MCC: variants seen among roughly 807,000 people sequenced by gnomAD.
The protein encoded by MCC is colorectal mutant cancer protein.
In MCC, 90 loss-of-function variants were observed where a neutral mutation model predicts 116.2. The ratio of observed to expected loss-of-function variants is 0.77; its 90% confidence interval spans 0.65 to 0.92. The LOEUF (loss-of-function observed/expected upper bound fraction) is 0.92. Among genes scored for constraint, MCC ranks in the 40% least tolerant of loss-of-function variants. The probability of loss-of-function intolerance (pLI) is 0.00; values close to 1 mark genes in which losing one functional copy is unlikely to be tolerated. For missense variants in MCC, 1,516 were observed against 1,312.2 expected, an observed-to-expected ratio of 1.16 and a Z score of -2.40; for synonymous variants, 578 against 510.5, an observed-to-expected ratio of 1.13 and a Z score of -1.78.
At chr5:113,327,731 A>T (rs1311439381) in intron 3 of MCC, among the ~76,000 whole-genome samples, 2 of 150,800 alleles carry the variant, frequency 1.3e-5, no homozygotes, top group African/African-American at 4.9e-5. Flanking sequence ...AAACTGAAGG[A>T]CAAAGAGCAG....
chr5:113,315,315 T>A (rs572431180), intron 3 of MCC, among the ~76,000 whole-genome samples: 84 of 152,306 alleles, frequency 5.5e-4, no homozygotes, highest in African/African-American at 1.9e-3. Flanking sequence ...CCTGTTTTAT[T>A]ATTAGAAATT....
chr5:113,243,362 T>A (rs370618158), intron 3 of MCC, among the ~76,000 whole-genome samples: 6 of 152,194 alleles, frequency 3.9e-5, no homozygotes, highest in Non-Finnish European at 7.3e-5. Context: ...GGATACTACT[T>A]GTGAGTATCC....
chr5:113,407,113 CTA>C (rs1362925919), intron 1 of MCC, among the ~76,000 whole-genome samples: 6 of 152,198 alleles, frequency 3.9e-5, no homozygotes, highest in South Asian at 2.1e-4. Flanking sequence ...GCTTATAACT[CTA>C]GAGTAAGTTA....
chr5:113,385,320 A>G (rs1352891833), intron 1 of MCC, 108 bp from the exon 2 acceptor site: 5 of 1,116,898 alleles, frequency 4.5e-6, no homozygotes, highest in Non-Finnish European at 6.4e-6. Context: ...CACATACTAG[A>G]CCTATTTTCA....
intron 1 of MCC, among the ~76,000 whole-genome samples, chr5:113,429,849 C>A (rs1770579847): frequency 6.6e-6 from 1 of 152,202 alleles, no homozygotes; most frequent in Admixed American, 6.5e-5. Context: ...AAGAAACCAA[C>A]ACAGTCAATG....
intron 3 of MCC, among the ~76,000 whole-genome samples, chr5:113,238,331 C>T (rs1764226649): frequency 6.6e-6 from 1 of 151,876 alleles, no homozygotes; most frequent in Non-Finnish European, 1.5e-5. Flanking sequence ...AGGGAAAATG[C>T]CACCTAAAAA....
intron 5 of MCC, among the ~76,000 whole-genome samples, chr5:113,123,957 G>A (rs113474509): frequency 6.6e-6 from 1 of 152,178 alleles, no homozygotes; most frequent in Non-Finnish European, 1.5e-5. Flanking sequence ...GATGAGTGGC[G>A]ATCATTAGGG....
At chr5:113,487,264 G>C (rs66497221) in intron 1 of MCC, among the ~76,000 whole-genome samples, 31,674 of 151,038 alleles carry the variant, frequency 0.21, 3,848 homozygotes, top group Admixed American at 0.34. Context: ...ACGATCTTTA[G>C]CATCACCAAG....
At chr5:113,363,845 C>T (rs182364256) in intron 2 of MCC, among the ~76,000 whole-genome samples, 147 of 152,188 alleles carry the variant, frequency 9.7e-4, no homozygotes, top group Non-Finnish European at 1.7e-3. Context: ...CCTATAATCC[C>T]GTAGAATCAA....
At chr5:113,037,431 G>A (rs141748676) in intron 17 of MCC, among the ~76,000 whole-genome samples, 477 of 152,328 alleles carry the variant, frequency 3.1e-3, no homozygotes, top group African/African-American at 0.011. Flanking sequence ...AGTGGCTCAT[G>A]CCCGTAATCC....
At chr5:113,309,502 A>T (rs1767085918) in intron 3 of MCC, among the ~76,000 whole-genome samples, 1 of 152,238 alleles carries the variant, frequency 6.6e-6, no homozygotes, top group Non-Finnish European at 1.5e-5. Context: ...TTAGGATAAT[A>T]GACTCCAGTT....
At position 113,296,532 on chromosome 5, in the gene MCC, C is replaced by T. The variant is rs183791142; in HGVS notation, c.627+43987G>A. ...GCAGAGATGGGAAGTAAGGGGAAAG[C>T]GTTCCAGGCCACTGTGAGAGAAAGT... On this transcript the variant is annotated intron_variant, in intron 3 of 18. Coordinates refer to ENST00000408903, the MANE Select transcript of MCC (RefSeq NM_001085377.2). 5.0e-4 allele frequency among the ~76,000 whole-genome samples: 76 copies of T among 152,208 alleles called. No homozygotes were observed. The Middle Eastern group carries it at 0.014, about 27-fold the overall frequency.
intron 3 of MCC, among the ~76,000 whole-genome samples, chr5:113,195,855 C>T (rs955288504): frequency 3.9e-5 from 6 of 152,118 alleles, no homozygotes; most frequent in South Asian, 2.1e-4. Context: ...TCTCATCTGG[C>T]GCCTCCTCTC....
At chr5:113,141,055 G>T (rs996378227) in intron 5 of MCC, among the ~76,000 whole-genome samples, 2 of 152,160 alleles carry the variant, frequency 1.3e-5, no homozygotes, top group Non-Finnish European at 2.9e-5. Context: ...AGTGTGTGTG[G>T]GCACCATCCA....
intron 2 of MCC, among the ~76,000 whole-genome samples, chr5:113,359,242 A>G (rs2150384642): frequency 6.6e-6 from 1 of 152,288 alleles, no homozygotes; most frequent in South Asian, 2.1e-4. Context: ...TTTGAAATGC[A>G]ACTCCCTCTC....
chr5:113,396,396 C>T (rs554033635), intron 1 of MCC, among the ~76,000 whole-genome samples: 1 of 151,900 alleles, frequency 6.6e-6, no homozygotes, highest in Non-Finnish European at 1.5e-5. Flanking sequence ...GTTTGGGAGC[C>T]CAAGGCGGGC....
intron 3 of MCC, among the ~76,000 whole-genome samples, chr5:113,316,074 G>A (rs889104522): frequency 6.6e-6 from 1 of 152,042 alleles, no homozygotes; most frequent in Non-Finnish European, 1.5e-5. Context: ...TGACCAACAA[G>A]GTGAAACCCG....
chr5:113,029,471 A>G (rs575283958), intron 17 of MCC, among the ~76,000 whole-genome samples: 5 of 151,798 alleles, frequency 3.3e-5, no homozygotes, highest in Admixed American at 6.6e-5. Context: ...AGGTTTAGCA[A>G]CCTACCTTGA....
chr5:113,249,121 C>A (rs1049026765), intron 3 of MCC, among the ~76,000 whole-genome samples: 11 of 148,746 alleles, frequency 7.4e-5, no homozygotes, highest in Non-Finnish European at 1.5e-4. Flanking sequence ...GGATTACAGG[C>A]GTGAGCCACC....
Sources: gnomAD v4.1 joint callset for allele counts (sites outside exome capture counted in the v4.1 genomes callset) on GRCh38, gnomAD v4.1.1 for gene constraint, MANE v1.5 for transcripts, NCBI Gene and HGNC (gene_info 2026-07-23, HGNC 2026-07-21) for gene names.